Variants in PAPPA2 observed in about 807,000 individuals in gnomAD.
PAPPA2 encodes pappalysin 2, also known as pappalysin-2.
PAPPA2 carries 86 observed loss-of-function variants against 176.4 expected under a neutral mutation model. The observed-to-expected ratio is 0.49, with a 90% CI of 0.41 to 0.58. The LOEUF (loss-of-function observed/expected upper bound fraction) is 0.58, where lower values mean the gene tolerates loss of function less well. Among genes scored for constraint, PAPPA2 ranks in the 20% least tolerant of loss-of-function variants. The probability of loss-of-function intolerance (pLI) is 0.00; values close to 1 mark genes in which losing one functional copy is unlikely to be tolerated. For missense variants in PAPPA2, 2,073 were observed against 2,256.9 expected, an observed-to-expected ratio of 0.92 and a Z score of 1.65; for synonymous variants, 809 against 852.2, an observed-to-expected ratio of 0.95 and a Z score of 0.88.
chr1:176,824,347 CCA>C (rs1437993990), intron 21 of PAPPA2, among the ~76,000 whole-genome samples: 1 of 152,150 alleles, frequency 6.6e-6, no homozygotes, highest in Non-Finnish European at 1.5e-5. Flanking sequence ...GTTTATACTG[CCA>C]CACACACAAT....
At chr1:176,522,844 C>T (rs1483845356) in intron 1 of PAPPA2, among the ~76,000 whole-genome samples, 1 of 152,134 alleles carries the variant, frequency 6.6e-6, no homozygotes, top group African/African-American at 2.4e-5. Flanking sequence ...GAGGATCTGC[C>T]ACCCCACATC....
intron 6 of PAPPA2, among the ~76,000 whole-genome samples, chr1:176,695,232 T>C (rs1187634183): frequency 1.3e-5 from 2 of 152,198 alleles, no homozygotes; most frequent in East Asian, 3.9e-4. Context: ...CCAAGGGCAA[T>C]GGTGAGCCAA....
At chr1:176,472,286 T>C (rs180723497) in intron 1 of PAPPA2, among the ~76,000 whole-genome samples, 12 of 152,334 alleles carry the variant, frequency 7.9e-5, no homozygotes, top group Admixed American at 2.0e-4. Flanking sequence ...TGAACTCGTG[T>C]ATCCATGTGT....
intron 12 of PAPPA2, among the ~76,000 whole-genome samples, chr1:176,728,553 A>C (rs1661988293): frequency 6.6e-6 from 1 of 151,968 alleles, no homozygotes; most frequent in Non-Finnish European, 1.5e-5. Context: ...CTGGTCCTGT[A>C]TAGAAAGACT....
At chr1:176,766,088 A>G (rs1663952125) in intron 15 of PAPPA2, among the ~76,000 whole-genome samples, 1 of 152,128 alleles carries the variant, frequency 6.6e-6, no homozygotes, top group South Asian at 2.1e-4. Context: ...TCCCTTGTTT[A>G]TTTCTGTCAG....
chr1:176,752,342 T>TAAAAAA (rs58591760), intron 14 of PAPPA2, among the ~76,000 whole-genome samples: 37 of 96,396 alleles, frequency 3.8e-4, no homozygotes, highest in Admixed American at 5.8e-4. Flanking sequence ...TAGAGTATAA[T>TAAAAAA]AAAAAAAAAA....
At chr1:176,548,445 A>G (rs1228777058) in intron 1 of PAPPA2, among the ~76,000 whole-genome samples, 2 of 152,174 alleles carry the variant, frequency 1.3e-5, no homozygotes, top group African/African-American at 2.4e-5. Context: ...CCCTCACTCA[A>G]TAGAGACTTT....
chr1:176,497,603 C>CA (rs1218079034), intron 1 of PAPPA2, among the ~76,000 whole-genome samples: 11 of 151,534 alleles, frequency 7.3e-5, no homozygotes, highest in South Asian at 6.3e-4. Flanking sequence ...AGTTTTCACA[C>CA]AAAAAAAAGG....
At chr1:176,735,717 TATCTATCTATCTATCTATCTATC>T (rs1662375546) in intron 12 of PAPPA2, among the ~76,000 whole-genome samples, 1 of 148,092 alleles carries the variant, frequency 6.8e-6, no homozygotes, top group South Asian at 2.1e-4. Context: ...TCTATCTATC[TATCTATCTATCTATCTATCTATC>T]ATCTATCTGT....
intron 1 of PAPPA2, among the ~76,000 whole-genome samples, chr1:176,488,593 A>G (rs73042684): frequency 0.099 from 15,015 of 152,194 alleles, 1,017 homozygotes; most frequent in African/African-American, 0.18. Context: ...TCTACTTTAT[A>G]TAGGGTTCAG....
chr1:176,571,996 G>A (rs926286310), intron 2 of PAPPA2, among the ~76,000 whole-genome samples: 5 of 152,256 alleles, frequency 3.3e-5, no homozygotes, highest in Non-Finnish European at 7.3e-5. Context: ...TTCCGGGCAC[G>A]GACCGTCAGA....
At chr1:176,689,157 C>A (rs1237341900) in intron 4 of PAPPA2, among the ~76,000 whole-genome samples, 1 of 152,128 alleles carries the variant, frequency 6.6e-6, no homozygotes, top group Non-Finnish European at 1.5e-5. Context: ...CTGGGCCTGG[C>A]CCTGACAATT....
At chr1:176,804,787 C>T (rs978011907) in intron 21 of PAPPA2, among the ~76,000 whole-genome samples, 1 of 152,124 alleles carries the variant, frequency 6.6e-6, no homozygotes. Flanking sequence ...AACTGGGGCT[C>T]AGAAAACATT....
intron 22 of PAPPA2, among the ~76,000 whole-genome samples, chr1:176,841,975 C>G (rs2102994246): frequency 6.6e-6 from 1 of 152,262 alleles, no homozygotes; most frequent in East Asian, 1.9e-4. Flanking sequence ...CTAATGCTAC[C>G]ATTCATCTTT....
At chr1:176,477,780 TA>T (rs35705750) in intron 1 of PAPPA2, among the ~76,000 whole-genome samples, 74,265 of 151,442 alleles carry the variant, frequency 0.49, 20,078 homozygotes, top group African/African-American at 0.72. Flanking sequence ...AAAAAATAAA[TA>T]AAATAAAATA....
chr1:176,742,414 C>A (rs998217626), intron 14 of PAPPA2, among the ~76,000 whole-genome samples: 6 of 152,122 alleles, frequency 3.9e-5, no homozygotes, highest in African/African-American at 1.4e-4. Flanking sequence ...GTAATTACTG[C>A]CGCTAGTTCT....
At chr1:176,768,307 C>T (rs1664068630) in intron 15 of PAPPA2, among the ~76,000 whole-genome samples, 1 of 152,060 alleles carries the variant, frequency 6.6e-6, no homozygotes, top group African/African-American at 2.4e-5. Flanking sequence ...TTCTGTGGAA[C>T]TTCTCCTACA....
At chr1:176,685,970 T>G (rs1023757438) in intron 4 of PAPPA2, among the ~76,000 whole-genome samples, 2 of 152,192 alleles carry the variant, frequency 1.3e-5, no homozygotes, top group Admixed American at 1.3e-4. Context: ...TGAGTGTGTG[T>G]GTGTCTCAGT....
chr1:176,844,026 A>G lies in PAPPA2; in HGVS notation c.*1572A>G, dbSNP rs1452464277. 6.6e-6 allele frequency: 1 copy of G among 152,090 alleles called. No homozygotes were observed. Among genetic ancestry groups the G allele is most frequent in the East Asian group, 1.9e-4 (1 of 5,172 alleles). 9.4% of individuals were successfully genotyped at this position (152,090 alleles called of 1,614,324 possible). On this transcript the variant is annotated 3_prime_UTR_variant, in exon 23 of 23. Transcript: ENST00000367662. Reference sequence around the variant, plus strand: ...AAATGACCATATTAAGCCTCTCTCTATTTACATCCCAGGCTCACTGGGATG... The same window carrying G: ...AAATGACCATATTAAGCCTCTCTCTGTTTACATCCCAGGCTCACTGGGATG...
Sources: allele counts gnomAD v4.1 joint callset (sites outside exome capture counted in the v4.1 genomes callset), GRCh38; gene constraint gnomAD v4.1.1; transcripts MANE v1.5; gene names NCBI Gene and HGNC (gene_info 2026-07-23, HGNC 2026-07-21).